The following CR1 variants were observed in gnomAD, a reference collection of about 807,000 sequenced individuals.
The protein encoded by CR1 is complement C3b/C4b receptor 1 (Knops blood group).
A neutral mutation model predicts 187.3 loss-of-function variants in CR1; 116 were observed. The ratio of observed to expected loss-of-function variants is 0.62; its 90% CI spans 0.53 to 0.72. The LOEUF is 0.72. Ranked by LOEUF, CR1 falls within the 30% of genes least tolerant of loss-of-function variation. The probability of loss-of-function intolerance (pLI) is 0.00; values close to 1 mark genes in which losing one functional copy is unlikely to be tolerated. For missense variants in CR1, 1,731 were observed against 2,110.7 expected (o/e 0.82, Z 3.52); for synonymous variants, 576 against 747.1 (o/e 0.77, Z 3.73).
rs138424287 is a variant in CR1, at chr1:207,609,263, G to A, written c.5897-27G>A. 3,236 of 1,529,826 alleles carry A rather than the reference G, an allele frequency of 2.1e-3. 39 individuals are homozygous for A. The African/African-American group carries it at 0.022, about 11-fold the overall frequency. 94.8% of individuals were successfully genotyped at this position (1,529,826 alleles called of 1,614,324 possible). A position where few individuals can be genotyped will look rare whatever the true frequency, so the allele number is the denominator to read the frequency against. The stretch of plus-strand genomic sequence containing the variant: ...ATAATTCATTATTAAAAAATAAGCT[G>A]TTTTACCATACTCTTCCTTCTCTCA... On this transcript the variant is annotated intron_variant, in intron 36 of 46. Coordinates refer to ENST00000367049, the MANE Select transcript of CR1 (RefSeq NM_000651.6).
Position 207,584,853 on chromosome 1 carries a change from G to T in CR1, c.5507G>T (p.Arg1836Leu), listed in dbSNP as rs180889860. The part of the protein sequence containing the change: ...GNGVWSSPAP[R>L]CELSVRAGHC... ...GGGGTTTGGAGCAGCCCTGCCCCTC[G>T]CTGTGAACTTTCTGTTCGTGCTGGT... is the stretch of plus-strand genomic sequence containing the variant. Residue 1836 changes from arginine (R) to leucine (L), a missense_variant, in exon 33 of 47, where the codon CGC becomes CTC. Physicochemically the swap from Arg to Leu is moderately radical, Grantham distance 102. Coordinates refer to ENST00000367049, the MANE Select transcript of CR1 (RefSeq NM_000651.6). 5 of 1,613,886 alleles carry T rather than the reference G, an allele frequency of 3.1e-6. No individual in the cohort carries two copies. In the Admixed American group the frequency reaches 8.3e-5, roughly 27 times the overall value.
At chr1:207,634,190 A>G (rs1463203669) in intron 46 of CR1, among the ~76,000 whole-genome samples, 1 of 152,144 alleles carries the variant, frequency 6.6e-6, no homozygotes, top group Non-Finnish European at 1.5e-5. Context: ...TTGGGTTCAG[A>G]GGCCTGACAA....
At chr1:207,613,258 T>TTC (rs947120447) in intron 39 of CR1, among the ~76,000 whole-genome samples, 3 of 152,140 alleles carry the variant, frequency 2.0e-5, no homozygotes, top group Non-Finnish European at 2.9e-5. Flanking sequence ...CAGGGGGTCA[T>TTC]TCTCTCTCTC....
At position 207,588,676 on chromosome 1, in the gene CR1, A is replaced by G. The variant is rs759915789; in HGVS notation, c.5712A>G (p.Arg1904=). The change falls in exon 35 of 47, where the codon CGA becomes CGG. Residue 1904 remains arginine, a splice_region_variant and synonymous_variant. Coordinates refer to ENST00000367049, the MANE Select transcript of CR1 (RefSeq NM_000651.6). The part of the protein sequence containing the change: ...VWSSVEDNCR[R]KSCGPPPEPF... ...CCCAAATTCTGCTTCTTCCCCTAGG[A>G]AAATCATGTGGACCTCCACCAGAAC... 3 of 1,610,066 alleles carry G rather than the reference A, an allele frequency of 1.9e-6. No homozygotes were observed. In the South Asian group the frequency reaches 3.3e-5, roughly 18 times the overall value.
At chr1:207,613,459 C>T (rs1662000799) in intron 39 of CR1, among the ~76,000 whole-genome samples, 2 of 152,108 alleles carry the variant, frequency 1.3e-5, no homozygotes, top group Admixed American at 6.5e-5. Context: ...GGAAAGCACA[C>T]CAAATGGGAA....
chr1:207,588,639 T>C (rs781110300), intron 34 of CR1, 36 bp from the exon 35 acceptor site: 2 of 1,423,186 alleles, frequency 1.4e-6, no homozygotes, highest in East Asian at 4.6e-5. Context: ...TAAGTTGAAC[T>C]CTATATTTAA....
chr1:207,580,277 T>C lies in CR1; in HGVS notation c.4974T>C (p.His1658=). Residue 1658 remains histidine (H), a synonymous_variant, in exon 30 of 47, where the codon CAT becomes CAC. Coordinates refer to ENST00000367049, the MANE Select transcript of CR1 (RefSeq NM_000651.6). ...QPPPEILHGE[H]TPSHQDNFSP... ...CTCCAGAAATCCTGCATGGTGAGCA[T>C]ACCCCAAGCCATCAGGACAACTTTT... The C allele has an allele frequency of 1.2e-6, 2 of 1,613,852 alleles. No homozygotes were observed. Among genetic ancestry groups the C allele is most frequent in the Non-Finnish European group, 1.7e-6 (2 of 1,179,828 alleles).
chr1:207,566,327 T>A (rs1161507129), intron 24 of CR1, among the ~76,000 whole-genome samples: 3 of 150,118 alleles, frequency 2.0e-5, no homozygotes, highest in Non-Finnish European at 4.4e-5. Context: ...TTCTTTTTCA[T>A]TTTGTTCTCC....
In CR1 at chr1:207,507,804, C is replaced by T. The variant is rs547942052; in HGVS notation, c.401+991C>T. ...TCCAAAGGAATTGAAAACTCATGTT[C>T]ACACCAAAAAAAAAAGAAATCTGCA... On this transcript the variant is annotated intron_variant, in intron 3 of 46. Transcript: ENST00000367049. Among the ~76,000 whole-genome samples the T allele has an allele frequency of 5.9e-5, 9 of 151,496 alleles. No homozygotes were observed. The East Asian group carries it at 1.7e-3, about 29-fold the overall frequency.
intron 4 of CR1, among the ~76,000 whole-genome samples, chr1:207,523,131 T>G (rs1357924898): frequency 1.3e-5 from 2 of 152,210 alleles, no homozygotes; most frequent in Non-Finnish European, 2.9e-5. Flanking sequence ...AGTCTACAGT[T>G]TTATAAATAT....
chr1:207,587,427 A>G lies in CR1; in HGVS notation c.5572A>G (p.Thr1858Ala), dbSNP rs61734514. The G allele has an allele frequency of 0.023, 37,746 of 1,613,888 alleles. 542 individuals are homozygous for G. The highest frequency in any genetic ancestry group is 0.027 in the Non-Finnish European group (31,438 of 1,179,772). ...TPEQFPFASP[T>A]IPINDFEFPV... ...AGAGCAGTTTCCATTTGCCAGTCCT[A>G]CGATCCCAATTAATGACTTTGAGTT... Residue 1858 changes from threonine to alanine, a missense_variant, in exon 34 of 47, where the codon ACG becomes GCG. Around this residue, in one of 5 missense-constraint regions of CR1, gnomAD observed 1,312 missense variants for 1,379.6 expected, o/e 0.95. Transcript: ENST00000367049.
intron 35 of CR1, among the ~76,000 whole-genome samples, chr1:207,589,465 A>G (rs2102356008): frequency 6.6e-6 from 1 of 152,368 alleles, no homozygotes; most frequent in Non-Finnish European, 1.5e-5. Context: ...GGTCACCAAC[A>G]TCAAAGACCA....
intron 35 of CR1, among the ~76,000 whole-genome samples, chr1:207,599,555 A>G (rs1011805065): frequency 6.6e-5 from 10 of 152,328 alleles, no homozygotes; most frequent in African/African-American, 2.4e-4. Context: ...TATAAGCAAA[A>G]AGAGCAAACA....
intron 35 of CR1, among the ~76,000 whole-genome samples, chr1:207,596,699 G>C (rs953031542): frequency 1.3e-5 from 2 of 150,278 alleles, no homozygotes; most frequent in Non-Finnish European, 3.0e-5. Context: ...AAAAGTTTAA[G>C]AACTAGGGCT....
At chr1:207,505,445 T>A (rs1253554391) in intron 1 of CR1, among the ~76,000 whole-genome samples, 1 of 151,938 alleles carries the variant, frequency 6.6e-6, no homozygotes, top group Admixed American at 6.6e-5. Context: ...ATTACAGGCA[T>A]GAGCCACCAC....
At chr1:207,564,482 A>T (rs1660425234) in intron 23 of CR1, among the ~76,000 whole-genome samples, 1 of 150,332 alleles carries the variant, frequency 6.7e-6, no homozygotes, top group African/African-American at 2.5e-5. Flanking sequence ...ACTAGTGGTT[A>T]TGAATATATA....
intron 46 of CR1, 70 bp downstream of exon 46, chr1:207,630,691 A>C (rs1445661561): frequency 4.6e-6 from 5 of 1,090,260 alleles, no homozygotes; most frequent in Non-Finnish European, 5.3e-6. Context: ...ACAGGACTTG[A>C]ATATGATATT....
chr1:207,603,246 T>C (rs921346876), intron 35 of CR1, among the ~76,000 whole-genome samples: 2 of 152,186 alleles, frequency 1.3e-5, no homozygotes, highest in Non-Finnish European at 2.9e-5. Context: ...ACCTTTCTAC[T>C]CTCTACTTCT....
intron 4 of CR1, among the ~76,000 whole-genome samples, chr1:207,514,031 G>A (rs1344972898): frequency 6.6e-6 from 1 of 151,942 alleles, no homozygotes; most frequent in Non-Finnish European, 1.5e-5. Flanking sequence ...AAAAATTTAT[G>A]TCTTTGAATC....
Sources: gnomAD v4.1 joint callset for allele counts (sites outside exome capture counted in the v4.1 genomes callset) on GRCh38, gnomAD v4.1.1 for gene constraint, gnomAD v4.1.1 regional missense constraint, MANE v1.5 for transcripts, NCBI Gene and HGNC (gene_info 2026-07-23, HGNC 2026-07-21) for gene names.